Variants in ESRRG observed in about 807,000 individuals in gnomAD.
The protein encoded by ESRRG is estrogen related receptor gamma.
In ESRRG, 13 loss-of-function variants were observed where a neutral mutation model predicts 44.0. That is an observed-to-expected ratio of 0.30 (90% CI 0.19 to 0.47). The LOEUF is 0.47. Ranked by LOEUF, ESRRG falls within the 20% of genes least tolerant of loss-of-function variation. The pLI is 1.00. For missense variants in ESRRG, 395 were observed against 580.6 expected (o/e 0.68, Z 3.29); for synonymous variants, 215 against 214.6 (o/e 1.00, Z -0.02).
chr1:216,777,519 A>T lies in ESRRG; in HGVS notation c.-13-100028T>A, dbSNP rs540638786. ...AATCTGTTACAGATCACTGAAAATGATGGATAAGAATCAGCAAGGGGTTGT... is the reference window on the plus strand; with the variant it reads ...AATCTGTTACAGATCACTGAAAATGTTGGATAAGAATCAGCAAGGGGTTGT... On this transcript the variant is annotated intron_variant, in intron 2 of 7. Coordinates refer to the ESRRG transcript ENST00000359162. Among the ~76,000 whole-genome samples, 4 of 152,290 alleles carry T rather than the reference A, an allele frequency of 2.6e-5. No individual in the cohort carries two copies. In the South Asian group the frequency reaches 8.3e-4, roughly 32 times the overall value.
At chr1:216,876,949 T>C (rs2096364395) in intron 2 of ESRRG, among the ~76,000 whole-genome samples, 2 of 151,454 alleles carry the variant, frequency 1.3e-5, no homozygotes, top group South Asian at 4.2e-4. Context: ...TGTTAATGTG[T>C]TGTCTGATTC....
chr1:216,733,022 G>A (rs1177341867), intron 2 of ESRRG, among the ~76,000 whole-genome samples: 1 of 150,292 alleles, frequency 6.7e-6, no homozygotes, highest in Non-Finnish European at 1.5e-5. Flanking sequence ...GAGACTTAAA[G>A]AGGAGCAAAA....
chr1:216,544,889 T>C (rs2054012100), intron 5 of ESRRG, among the ~76,000 whole-genome samples: 1 of 151,978 alleles, frequency 6.6e-6, no homozygotes, highest in Non-Finnish European at 1.5e-5. Flanking sequence ...CATAAAACTA[T>C]GGTTTTATGG....
At chr1:216,774,798 C>CTTTTTTTTT (rs58598227) in intron 2 of ESRRG, among the ~76,000 whole-genome samples, 3 of 110,812 alleles carry the variant, frequency 2.7e-5, no homozygotes, top group Admixed American at 1.1e-4. Context: ...ATAATTTCTT[C>CTTTTTTTTT]TTTTTTTTTT....
intron 2 of ESRRG, among the ~76,000 whole-genome samples, chr1:216,740,763 A>G (rs1181244627): frequency 6.6e-6 from 1 of 152,156 alleles, no homozygotes; most frequent in Non-Finnish European, 1.5e-5. Context: ...TCAAGAACTT[A>G]AAGTGTTCCA....
At chr1:217,014,882 A>G (rs1205412903) in intron 1 of ESRRG, among the ~76,000 whole-genome samples, 1 of 152,168 alleles carries the variant, frequency 6.6e-6, no homozygotes, top group African/African-American at 2.4e-5. Flanking sequence ...GGAGTTCTAC[A>G]TCAAATCCTA....
intron 1 of ESRRG, among the ~76,000 whole-genome samples, chr1:217,086,086 A>T (rs935264660): frequency 6.6e-6 from 1 of 152,238 alleles, no homozygotes; most frequent in Non-Finnish European, 1.5e-5. Context: ...TCACAATATT[A>T]TGAAACTTGA....
chr1:217,082,379 C>A (rs1306219986), intron 1 of ESRRG, among the ~76,000 whole-genome samples: 1 of 152,154 alleles, frequency 6.6e-6, no homozygotes, highest in Non-Finnish European at 1.5e-5. Flanking sequence ...CTCTCATATC[C>A]ATCTTGAGAA....
intron 5 of ESRRG, among the ~76,000 whole-genome samples, chr1:216,563,337 G>T (rs756574111): frequency 6.6e-6 from 1 of 152,080 alleles, no homozygotes; most frequent in Non-Finnish European, 1.5e-5. Context: ...AGTTCGTTAC[G>T]ACTGTTAGCA....
chr1:216,746,220 T>C (rs1201701512), intron 2 of ESRRG, among the ~76,000 whole-genome samples: 1 of 152,194 alleles, frequency 6.6e-6, no homozygotes, highest in African/African-American at 2.4e-5. Flanking sequence ...GAAACCTGGC[T>C]AGTAAGTGAC....
intron 1 of ESRRG, among the ~76,000 whole-genome samples, chr1:217,062,637 AGAG>A (rs1317920910): frequency 2.0e-5 from 3 of 152,180 alleles, no homozygotes; most frequent in Admixed American, 6.5e-5. Context: ...CTAAAACCAA[AGAG>A]GAGTGTCAGA....
intron 2 of ESRRG, among the ~76,000 whole-genome samples, chr1:216,897,897 A>C (rs1408287861): frequency 6.6e-6 from 1 of 152,196 alleles, no homozygotes; most frequent in Non-Finnish European, 1.5e-5. Flanking sequence ...CCAAGGAAAC[A>C]GAGGTGGGTC....
chr1:216,826,896 T>A (rs1196989042), intron 2 of ESRRG, among the ~76,000 whole-genome samples: 1 of 152,194 alleles, frequency 6.6e-6, no homozygotes, highest in Non-Finnish European at 1.5e-5. Context: ...GTTGATCACG[T>A]GAAGTGACCT....
rs576586521 is a variant in ESRRG at position 217,112,059 on chromosome 1, T to A, written c.-230+25608A>T. ...CCAAGATAACGGCCAGCCCTGTGAG[T>A]GATCCATTTGCACATACAACCCATT... On this transcript the variant is annotated intron_variant, in intron 1 of 8. Transcript: ENST00000366940. Among the ~76,000 whole-genome samples the A allele has an allele frequency of 6.2e-4, 94 of 152,064 alleles. 1 individual carries two copies. The highest frequency in any genetic ancestry group is 2.2e-3 in the African/African-American group (91 of 41,482).
intron 1 of ESRRG, among the ~76,000 whole-genome samples, chr1:217,056,331 C>T (rs990167973): frequency 1.4e-4 from 22 of 152,060 alleles, no homozygotes; most frequent in Non-Finnish European, 2.2e-4. Flanking sequence ...TTACATTTTA[C>T]TTATTGTCTT....
chr1:216,561,171 T>C (rs762979441), intron 5 of ESRRG, among the ~76,000 whole-genome samples: 2 of 152,196 alleles, frequency 1.3e-5, no homozygotes, highest in Non-Finnish European at 2.9e-5. Context: ...TTTTCTTCAA[T>C]AGCTTCTTTT....
At chr1:216,647,404 T>G (rs1239404234) in intron 3 of ESRRG, among the ~76,000 whole-genome samples, 1 of 152,202 alleles carries the variant, frequency 6.6e-6, no homozygotes, top group Non-Finnish European at 1.5e-5. Flanking sequence ...TCATTTGTTT[T>G]ACTGTACTTC....
chr1:217,004,045 G>T (rs922139705), intron 1 of ESRRG, among the ~76,000 whole-genome samples: 1 of 152,044 alleles, frequency 6.6e-6, no homozygotes, highest in Admixed American at 6.6e-5. Flanking sequence ...AGGGGAGCGA[G>T]AAGTTACCAG....
chr1:217,105,404 G>A (rs1318494297), intron 1 of ESRRG, among the ~76,000 whole-genome samples: 1 of 152,194 alleles, frequency 6.6e-6, no homozygotes, highest in Admixed American at 6.5e-5. Context: ...TTGGAGTTCA[G>A]AGAGATGAAA....
Sources: allele counts gnomAD v4.1 joint callset (sites outside exome capture counted in the v4.1 genomes callset), GRCh38; gene constraint gnomAD v4.1.1; transcripts MANE v1.5; gene names NCBI Gene and HGNC (gene_info 2026-07-23, HGNC 2026-07-21).